SLC2A11: variants seen among roughly 807,000 people sequenced by gnomAD.
SLC2A11 encodes the protein solute carrier family 2, facilitated glucose transporter member 11.
A neutral mutation model predicts 52.1 loss-of-function variants in SLC2A11; 43 were observed. The observed-to-expected ratio is 0.82, with a 90% CI of 0.65 to 1.06. SLC2A11 has a LOEUF of 1.06. Ranked by LOEUF, SLC2A11 falls within the 50% of genes least tolerant of loss-of-function variation. SLC2A11 has a pLI of 0.00. For synonymous variants in SLC2A11, 261 were observed against 277.6 expected (o/e 0.94, Z 0.59); for missense variants, 582 against 654.2 (o/e 0.89, Z 1.20).
At chr22:23,881,212 G>C (rs2032784192) in intron 6 of SLC2A11, 1 of 151,872 alleles carries the variant, frequency 6.6e-6, no homozygotes, top group South Asian at 2.1e-4. Flanking sequence ...CTGGCTGATG[G>C]CTCTGCTGAT....
rs764213067 is a variant in SLC2A11, at chr22:23,883,774, T to C, written c.996T>C (p.Cys332=). 34 of 1,528,058 alleles carry C rather than the reference T, an allele frequency of 2.2e-5. No homozygotes were observed. The highest frequency in any genetic ancestry group is 2.7e-5 in the Non-Finnish European group (31 of 1,141,224). 94.7% of individuals were successfully genotyped at this position (1,528,058 alleles called of 1,614,324 possible). A position where few individuals can be genotyped will look rare whatever the true frequency, so the allele number is the denominator to read the frequency against. Residue 332 remains cysteine, a splice_region_variant and synonymous_variant, in exon 9 of 12, where the codon TGT becomes TGC. Coordinates refer to ENST00000316185, the MANE Select transcript of SLC2A11 (RefSeq NM_001024939.4). Reference sequence around the variant, plus strand: ...GTCTGTGCTTTCTGCCTTTGCAGTGTGTGGTAATCGAGAGGGTGGGTCGGC... The same window carrying C: ...GTCTGTGCTTTCTGCCTTTGCAGTGCGTGGTAATCGAGAGGGTGGGTCGGC... ...SCELLTAVVS[C]VVIERVGRRV...
At chr22:23,875,325 T>A (rs1272653110) in intron 4 of SLC2A11, 84 bp downstream of exon 4, 1 of 1,277,418 alleles carries the variant, frequency 7.8e-7, no homozygotes, top group Non-Finnish European at 1.0e-6. Flanking sequence ...ATTTCTTCCT[T>A]CATTTCCTCC....
chr22:23,861,290 CAAAAAAAAAAAAAAAA>C (rs56138210), intron 1 of SLC2A11, among the ~76,000 whole-genome samples: 17 of 35,620 alleles, frequency 4.8e-4, no homozygotes, highest in Non-Finnish European at 7.7e-4. Flanking sequence ...GACTCAGTCT[CAAAAAAAAAAAAAAAA>C]AAAAAAAAAG....
chr22:23,857,382 C>G, upstream of SLC2A11: 1 of 1,562,030 alleles, frequency 6.4e-7, no homozygotes, highest in Non-Finnish European at 8.7e-7. Context: ...GGGGCTTGGC[C>G]GAGATGACCT....
intron 1 of SLC2A11, among the ~76,000 whole-genome samples, chr22:23,860,723 A>T (rs1199422474): frequency 2.7e-5 from 2 of 75,222 alleles, no homozygotes; most frequent in East Asian, 3.4e-4. Context: ...GCAGAGCAAA[A>T]CTCCGTCTCT....
In SLC2A11 at chr22:23,874,002, T is replaced by C. The variant is rs555106485; in HGVS notation, c.291-1115T>C. 9.9e-5 allele frequency among the ~76,000 whole-genome samples: 15 copies of C among 152,268 alleles called. No individual in the cohort carries two copies. In the East Asian group the frequency reaches 2.7e-3, roughly 27 times the overall value. The stretch of plus-strand genomic sequence containing the variant: ...GATCACAGTGAGCTCTCCTGGGTGA[T>C]CTGTATGGCAGCACTTCTGAGCTCA... On this transcript the variant is annotated intron_variant, in intron 3 of 11. Coordinates refer to ENST00000316185, the MANE Select transcript of SLC2A11 (RefSeq NM_001024939.4).
chr22:23,868,125 C>T (rs1412398119), intron 2 of SLC2A11: 3 of 324,494 alleles, frequency 9.2e-6, no homozygotes, highest in African/African-American at 6.3e-5. Flanking sequence ...TGTAGTACAC[C>T]CAGCTTGTGT....
chr22:23,868,473 G>C lies in SLC2A11; in HGVS notation c.130-8G>C, dbSNP rs757393852. Reference sequence around the variant, plus strand: ...CCCCAGAAGGCTGACTGGCATTTCTGTCCACAGCACATTCAGGAATTCACC... The same window carrying C: ...CCCCAGAAGGCTGACTGGCATTTCTCTCCACAGCACATTCAGGAATTCACC... On this transcript the variant is annotated splice_polypyrimidine_tract_variant and splice_region_variant and intron_variant, in intron 2 of 11. Transcript: ENST00000316185. 1.2e-6 allele frequency: 2 copies of C among 1,614,040 alleles called. No homozygotes were observed. Among genetic ancestry groups the C allele is most frequent in the South Asian group, 2.2e-5 (2 of 91,078 alleles).
At chr22:23,870,199 AGGT>A in intron 3 of SLC2A11, 1 of 609,870 alleles carries the variant, frequency 1.6e-6, no homozygotes, top group Non-Finnish European at 2.9e-6. Flanking sequence ...AAGAAGACGG[AGGT>A]AATAACTATT....
Position 23,884,214 on chromosome 22 carries a change from G to T in SLC2A11, c.1172-88G>T. The T allele has an allele frequency of 1.3e-6, 2 of 1,521,208 alleles. No individual in the cohort carries two copies. 94.2% of individuals were successfully genotyped at this position (1,521,208 alleles called of 1,614,324 possible). ...GGCCCCCCATACAGACTGGGCCTGG[G>T]CTCCCACTCCCATGTCTGGGCTGGG... On this transcript the variant is annotated intron_variant, in intron 10 of 11. Transcript: ENST00000316185. This position sits in a 1 kb window ranked among gnomAD's most constrained non-coding sequence, Gnocchi z 4.3.
intron 2 of SLC2A11, among the ~76,000 whole-genome samples, chr22:23,863,730 C>T (rs994180009): frequency 6.7e-6 from 1 of 149,092 alleles, no homozygotes; most frequent in African/African-American, 2.5e-5. Flanking sequence ...GGCGCTCAAG[C>T]GATCCTCCTA....
intron 3 of SLC2A11, 125 bp downstream of exon 3, chr22:23,868,766 C>T (rs2032356276): frequency 1.8e-6 from 2 of 1,141,894 alleles, no homozygotes; most frequent in Non-Finnish European, 2.5e-6. Context: ...CCTCATCCAG[C>T]CTCTTACTCT....
intron 4 of SLC2A11, among the ~76,000 whole-genome samples, chr22:23,876,086 G>T (rs558339766): frequency 3.3e-5 from 5 of 152,240 alleles, no homozygotes; most frequent in African/African-American, 1.2e-4. Flanking sequence ...CTTCCAGAGT[G>T]ATCTGAGGGG....
At chr22:23,862,988 A>G (rs1601487639) in intron 2 of SLC2A11, among the ~76,000 whole-genome samples, 1 of 152,202 alleles carries the variant, frequency 6.6e-6, no homozygotes, top group Non-Finnish European at 1.5e-5. Flanking sequence ...TGAAGCCTTG[A>G]GCTATCACGG....
At chr22:23,878,171 G>A (rs1003784) in intron 6 of SLC2A11, among the ~76,000 whole-genome samples, 108,700 of 152,150 alleles carry the variant, frequency 0.71, 38,920 homozygotes, top group African/African-American at 0.76. Flanking sequence ...CACCTACCCA[G>A]TGCCAACTGG....
At chr22:23,875,040 G>A in intron 3 of SLC2A11, 77 bp from the exon 4 acceptor site, 1 of 1,395,930 alleles carries the variant, frequency 7.2e-7, no homozygotes, top group Non-Finnish European at 9.4e-7. Context: ...TGTTACAGTT[G>A]CAAAGAGTGG....
intron 4 of SLC2A11, 82 bp downstream of exon 4, chr22:23,875,323 C>T: frequency 7.8e-7 from 1 of 1,277,550 alleles, no homozygotes. Flanking sequence ...TCATTTCTTC[C>T]TTCATTTCCT....
intron 3 of SLC2A11, chr22:23,869,993 A>T (rs1423588578): frequency 7.0e-6 from 5 of 717,614 alleles, no homozygotes; most frequent in Non-Finnish European, 1.3e-5. Context: ...TCATGGCCTA[A>T]TCAATCTCCC....
At position 23,885,172 on chromosome 22, in the gene SLC2A11, T is replaced by G; in HGVS notation, c.*323T>G. The G allele has an allele frequency of 2.1e-6, 1 of 470,428 alleles. No homozygotes were observed. The highest frequency in any genetic ancestry group is 3.7e-6 in the Non-Finnish European group (1 of 270,076). 29.1% of individuals were successfully genotyped at this position (470,428 alleles called of 1,614,324 possible). On this transcript the variant is annotated 3_prime_UTR_variant, in exon 12 of 12. Transcript: ENST00000316185. ...TTTGAAACCAGCCTAGGTAACATAG[T>G]GAGACCCCCTATCTCTACAAAAAAT...
Sources: allele counts gnomAD v4.1 joint callset (sites outside exome capture counted in the v4.1 genomes callset), GRCh38; gene constraint gnomAD v4.1.1; non-coding constraint Gnocchi (gnomAD v3.1); transcripts MANE v1.5; gene names NCBI Gene and HGNC (gene_info 2026-07-23, HGNC 2026-07-21).